The following PDE4B variants were observed in gnomAD, a reference collection of about 807,000 sequenced individuals.
The protein encoded by PDE4B is 3',5'-cyclic-AMP phosphodiesterase 4B.
In PDE4B, 20 loss-of-function variants were observed where a neutral mutation model predicts 82.2. That is an observed-to-expected ratio of 0.24 (90% confidence interval 0.17 to 0.35). The LOEUF (loss-of-function observed/expected upper bound fraction) is 0.35, where lower values mean the gene tolerates loss of function less well. PDE4B is among the 10% of genes least tolerant of loss of function. The probability of loss-of-function intolerance (pLI) is 1.00; values close to 1 mark genes in which losing one functional copy is unlikely to be tolerated. For synonymous variants in PDE4B, 320 were observed against 318.9 expected (o/e 1.00, Z -0.04); for missense variants, 655 against 907.2 (o/e 0.72, Z 3.57).
intron 3 of PDE4B, among the ~76,000 whole-genome samples, chr1:66,011,224 A>AC (rs1406531018): frequency 5.3e-4 from 2 of 3,768 alleles, no homozygotes; most frequent in Non-Finnish European, 1.7e-3. Flanking sequence ...TTCATCTGCC[A>AC]AAAAAAAAAA....
intron 7 of PDE4B, among the ~76,000 whole-genome samples, chr1:66,328,834 C>T (rs565653160): frequency 6.6e-6 from 1 of 152,296 alleles, no homozygotes; most frequent in Admixed American, 6.5e-5. Flanking sequence ...GCCGTCTTTG[C>T]CCTGGGCTGG....
At chr1:65,996,284 A>G (rs1254278335) in intron 3 of PDE4B, among the ~76,000 whole-genome samples, 2 of 151,996 alleles carry the variant, frequency 1.3e-5, no homozygotes, top group Non-Finnish European at 2.9e-5. Context: ...TTACTACTTT[A>G]TAGTCCAGGT....
chr1:65,882,141 T>C (rs1044363176), intron 1 of PDE4B, among the ~76,000 whole-genome samples: 2 of 152,204 alleles, frequency 1.3e-5, no homozygotes, highest in African/African-American at 4.8e-5. Context: ...TGATTTTATA[T>C]GGGTTTTTGG....
intron 3 of PDE4B, among the ~76,000 whole-genome samples, chr1:66,032,183 T>G (rs909982278): frequency 3.9e-5 from 6 of 152,226 alleles, no homozygotes; most frequent in Non-Finnish European, 7.3e-5. Flanking sequence ...GTTTTGAGGA[T>G]TGAAATAATG....
intron 3 of PDE4B, among the ~76,000 whole-genome samples, chr1:65,977,341 T>C (rs892589155): frequency 3.3e-5 from 5 of 152,208 alleles, no homozygotes; most frequent in African/African-American, 1.2e-4. Flanking sequence ...GTGCCAATCA[T>C]GGAGCCACAT....
intron 3 of PDE4B, among the ~76,000 whole-genome samples, chr1:66,245,917 A>G (rs1318891893): frequency 6.6e-6 from 1 of 152,210 alleles, no homozygotes; most frequent in Non-Finnish European, 1.5e-5. Context: ...GGAAACCTAC[A>G]GCTTCAGGGT....
chr1:65,817,503 T>G (rs1296876456), intron 1 of PDE4B, among the ~76,000 whole-genome samples: 2 of 152,122 alleles, frequency 1.3e-5, no homozygotes, highest in Non-Finnish European at 2.9e-5. Flanking sequence ...ACACATGAAG[T>G]GGTTTTTATT....
chr1:65,850,910 TGTAA>T (rs901771136), intron 1 of PDE4B, among the ~76,000 whole-genome samples: 3 of 152,216 alleles, frequency 2.0e-5, no homozygotes, highest in Admixed American at 2.0e-4. Flanking sequence ...TGTTTTATTC[TGTAA>T]GTTTTAGTGT....
chr1:65,852,038 A>G (rs1646338288), intron 1 of PDE4B, among the ~76,000 whole-genome samples: 1 of 152,018 alleles, frequency 6.6e-6, no homozygotes, highest in Non-Finnish European at 1.5e-5. Flanking sequence ...TGAATATGAA[A>G]TCAGCCTTAC....
intron 3 of PDE4B, among the ~76,000 whole-genome samples, chr1:65,937,499 T>C (rs1382463548): frequency 6.6e-6 from 1 of 152,134 alleles, no homozygotes; most frequent in Non-Finnish European, 1.5e-5. Context: ...AAAATACCCA[T>C]AGATGTGCAA....
At chr1:66,037,976 A>G (rs566365258) in intron 3 of PDE4B, among the ~76,000 whole-genome samples, 4 of 152,338 alleles carry the variant, frequency 2.6e-5, no homozygotes, top group South Asian at 2.1e-4. Context: ...AAAAGGCTTT[A>G]TAGAACTTTT....
chr1:65,905,808 G>A (rs1340613844), intron 1 of PDE4B, among the ~76,000 whole-genome samples: 3 of 152,038 alleles, frequency 2.0e-5, no homozygotes, highest in Non-Finnish European at 4.4e-5. Context: ...ACACTGCACT[G>A]TGAACCTGAC....
chr1:66,113,867 T>C (rs1208415504), intron 3 of PDE4B, among the ~76,000 whole-genome samples: 3 of 152,196 alleles, frequency 2.0e-5, no homozygotes, highest in African/African-American at 4.8e-5. Flanking sequence ...CAAACATTTA[T>C]TAAGTGCTTA....
At chr1:66,210,807 G>T (rs1236077179) in intron 3 of PDE4B, among the ~76,000 whole-genome samples, 2 of 152,062 alleles carry the variant, frequency 1.3e-5, no homozygotes, top group African/African-American at 4.8e-5. Flanking sequence ...TGCAGACACT[G>T]CTGTCACAGC....
chr1:65,867,716 C>T (rs962794109), intron 1 of PDE4B, among the ~76,000 whole-genome samples: 7 of 152,224 alleles, frequency 4.6e-5, no homozygotes, highest in Admixed American at 1.3e-4. Flanking sequence ...ATTCCCTCTA[C>T]TTAGGAACTA....
At chr1:66,226,655 C>G (rs1230116647) in intron 3 of PDE4B, among the ~76,000 whole-genome samples, 2 of 152,070 alleles carry the variant, frequency 1.3e-5, no homozygotes, top group Admixed American at 1.3e-4. Context: ...AAAATAGAAG[C>G]AAGAAGGAAA....
At chr1:65,882,814 T>TA (rs913323953) in intron 1 of PDE4B, among the ~76,000 whole-genome samples, 3 of 152,102 alleles carry the variant, frequency 2.0e-5, no homozygotes, top group Non-Finnish European at 4.4e-5. Context: ...AAATAAAGAT[T>TA]AAAAAAGCAA....
At chr1:66,001,332 A>G (rs1372063678) in intron 3 of PDE4B, among the ~76,000 whole-genome samples, 2 of 152,322 alleles carry the variant, frequency 1.3e-5, no homozygotes, top group East Asian at 3.9e-4. Context: ...GTATAAAATC[A>G]TATATATGTT....
intron 7 of PDE4B, among the ~76,000 whole-genome samples, chr1:66,269,181 T>C (rs1024461962): frequency 1.3e-5 from 2 of 152,232 alleles, no homozygotes; most frequent in Non-Finnish European, 2.9e-5. Context: ...CTGAAGTTAA[T>C]AGAGGTTTGA....
Sources: gnomAD v4.1 joint callset for allele counts (sites outside exome capture counted in the v4.1 genomes callset) on GRCh38, gnomAD v4.1.1 for gene constraint, MANE v1.5 for transcripts, NCBI Gene and HGNC (gene_info 2026-07-23, HGNC 2026-07-21) for gene names.